LRRTM4: variants seen among roughly 807,000 people sequenced by gnomAD.
The protein encoded by LRRTM4 is leucine-rich repeat transmembrane neuronal protein 4.
A neutral mutation model predicts 47.6 loss-of-function variants in LRRTM4; 25 were observed. That is an observed-to-expected ratio of 0.53 (90% CI 0.38 to 0.73). The LOEUF (loss-of-function observed/expected upper bound fraction) is 0.73. Ranked by LOEUF, LRRTM4 falls within the 30% of genes least tolerant of loss-of-function variation. LRRTM4 has a pLI of 0.00. For missense variants in LRRTM4, 638 were observed against 713.4 expected (o/e 0.89, Z 1.20); for synonymous variants, 311 against 269.5 (o/e 1.15, Z -1.51).
intron 3 of LRRTM4, among the ~76,000 whole-genome samples, chr2:76,967,670 G>T (rs1325265188): frequency 6.6e-6 from 1 of 151,656 alleles, no homozygotes; most frequent in African/African-American, 2.4e-5. Flanking sequence ...AACGCATGAG[G>T]ATTCCTCTTC....
At chr2:77,255,942 A>T (rs1573152326) in intron 3 of LRRTM4, among the ~76,000 whole-genome samples, 1 of 152,080 alleles carries the variant, frequency 6.6e-6, no homozygotes, top group South Asian at 2.1e-4. Context: ...CCAATGAAAT[A>T]AAAACAATAA....
chr2:77,365,338 A>G (rs1672401300), intron 3 of LRRTM4, among the ~76,000 whole-genome samples: 1 of 152,040 alleles, frequency 6.6e-6, no homozygotes, highest in Non-Finnish European at 1.5e-5. Context: ...ACATCCTTCT[A>G]AGCCTGTGTT....
intron 3 of LRRTM4, among the ~76,000 whole-genome samples, chr2:76,847,758 G>A (rs878996448): frequency 6.6e-6 from 1 of 151,870 alleles, no homozygotes; most frequent in Non-Finnish European, 1.5e-5. Context: ...AGAAATTTTT[G>A]ATTATGTGTA....
At chr2:77,474,519 T>G (rs915721823) in intron 3 of LRRTM4, among the ~76,000 whole-genome samples, 2 of 152,014 alleles carry the variant, frequency 1.3e-5, no homozygotes, top group Admixed American at 1.3e-4. Context: ...TGGAATAGAA[T>G]CAATATAATA....
At chr2:76,778,930 G>T (rs992728815) in intron 3 of LRRTM4, among the ~76,000 whole-genome samples, 1 of 151,302 alleles carries the variant, frequency 6.6e-6, no homozygotes, top group African/African-American at 2.4e-5. Flanking sequence ...ACACTGCTTT[G>T]AATGCATCCC....
Position 77,273,445 on chromosome 2 carries a change from A to G in LRRTM4, c.1551+244873T>C, listed in dbSNP as rs190928510. 3.3e-5 allele frequency among the ~76,000 whole-genome samples: 5 copies of G among 152,250 alleles called. No individual in the cohort carries two copies. The East Asian group carries it at 5.8e-4, about 18-fold the overall frequency. The stretch of plus-strand genomic sequence containing the variant: ...AATGTAATTCTGTTTTTATTTTAGT[A>G]TGAATTTAGCACAAGGAAGAGTATA... On this transcript the variant is annotated intron_variant, in intron 3 of 3. Transcript: ENST00000409884.
chr2:77,086,358 T>G (rs1231813801), intron 3 of LRRTM4, among the ~76,000 whole-genome samples: 1 of 152,074 alleles, frequency 6.6e-6, no homozygotes, highest in Non-Finnish European at 1.5e-5. Flanking sequence ...TTCACCAACA[T>G]AATTTGTTGT....
At chr2:77,318,000 CTTTTT>C (rs61212194) in intron 3 of LRRTM4, among the ~76,000 whole-genome samples, 4 of 99,758 alleles carry the variant, frequency 4.0e-5, no homozygotes, top group African/African-American at 8.7e-5. Flanking sequence ...ATTCCTAACA[CTTTTT>C]TTTTTTTTTT....
intron 3 of LRRTM4, among the ~76,000 whole-genome samples, chr2:76,836,192 T>C (rs1477165307): frequency 6.6e-6 from 1 of 151,170 alleles, no homozygotes; most frequent in Non-Finnish European, 1.5e-5. Flanking sequence ...TGAAGGAAAC[T>C]ACCTGAATAT....
chr2:76,886,493 G>A (rs1673080974), intron 3 of LRRTM4, among the ~76,000 whole-genome samples: 1 of 151,858 alleles, frequency 6.6e-6, no homozygotes, highest in African/African-American at 2.4e-5. Flanking sequence ...TCTATCCAAT[G>A]TAATACAACC....
At chr2:76,923,663 T>C (rs1448038497) in intron 3 of LRRTM4, among the ~76,000 whole-genome samples, 2 of 152,126 alleles carry the variant, frequency 1.3e-5, no homozygotes, top group Non-Finnish European at 2.9e-5. Context: ...TTTCTAAAAT[T>C]ATATTTTGTT....
chr2:77,034,052 T>G (rs1466968370), intron 3 of LRRTM4, among the ~76,000 whole-genome samples: 1 of 151,740 alleles, frequency 6.6e-6, no homozygotes. Flanking sequence ...GAAAAAACCA[T>G]AAAGGTTCTG....
chr2:77,065,059 ATAAT>A (rs1032866366), intron 3 of LRRTM4, among the ~76,000 whole-genome samples: 6 of 152,330 alleles, frequency 3.9e-5, no homozygotes, highest in South Asian at 2.1e-4. Flanking sequence ...ACCTGGAATA[ATAAT>A]TAATAATAAT....
intron 3 of LRRTM4, among the ~76,000 whole-genome samples, chr2:76,781,793 A>T (rs1205448453): frequency 9.9e-5 from 15 of 151,924 alleles, no homozygotes; most frequent in African/African-American, 3.1e-4. Flanking sequence ...CCTTTGTGGC[A>T]TTTCTATTTT....
intron 3 of LRRTM4, among the ~76,000 whole-genome samples, chr2:76,884,597 A>C (rs942795112): frequency 1.3e-5 from 2 of 152,210 alleles, no homozygotes; most frequent in Admixed American, 1.3e-4. Flanking sequence ...TATTATGTAC[A>C]TTAATATGTG....
At chr2:77,407,701 A>AT (rs528853395) in intron 3 of LRRTM4, among the ~76,000 whole-genome samples, 2,143 of 127,844 alleles carry the variant, frequency 0.017, 50 homozygotes, top group African/African-American at 0.054. Flanking sequence ...TATATGATAT[A>AT]TATAATATAT....
chr2:77,048,347 A>G (rs2103762338), intron 3 of LRRTM4, among the ~76,000 whole-genome samples: 1 of 152,196 alleles, frequency 6.6e-6, no homozygotes, highest in East Asian at 1.9e-4. Flanking sequence ...TTTAGGTGTT[A>G]TAATGAAGTT....
At chr2:77,433,788 A>T (rs980400327) in intron 3 of LRRTM4, among the ~76,000 whole-genome samples, 1 of 152,290 alleles carries the variant, frequency 6.6e-6, no homozygotes, top group East Asian at 1.9e-4. Flanking sequence ...AGCCACTGGG[A>T]TGCTGCAGAA....
At chr2:77,119,601 G>A (rs1055480557) in intron 3 of LRRTM4, among the ~76,000 whole-genome samples, 1 of 151,834 alleles carries the variant, frequency 6.6e-6, no homozygotes, top group African/African-American at 2.4e-5. Flanking sequence ...ATAGAGCAAT[G>A]AAGAGAGATT....
Sources: allele counts gnomAD v4.1 joint callset (sites outside exome capture counted in the v4.1 genomes callset), GRCh38; gene constraint gnomAD v4.1.1; transcripts MANE v1.5; gene names NCBI Gene and HGNC (gene_info 2026-07-23, HGNC 2026-07-21).